The following SYNE2 variants were observed in gnomAD, a reference collection of about 807,000 sequenced individuals.
SYNE2 encodes spectrin repeat containing nuclear envelope protein 2.
Under a neutral mutation model 856.3 loss-of-function variants are expected in SYNE2, and 431 were observed. The observed-to-expected ratio is 0.50, with a 90% CI of 0.47 to 0.55. The LOEUF (loss-of-function observed/expected upper bound fraction) is 0.55. SYNE2 is among the 20% of genes least tolerant of loss of function. The pLI is 0.00. For missense variants in SYNE2, 8,129 were observed against 8,023.2 expected (o/e 1.01, Z -0.50); for synonymous variants, 2,923 against 2,872.3 (o/e 1.02, Z -0.56).
intron 1 of SYNE2, among the ~76,000 whole-genome samples, chr14:63,884,127 C>T (rs550655828): frequency 5.4e-4 from 82 of 152,238 alleles, no homozygotes; most frequent in Non-Finnish European, 9.1e-4. Flanking sequence ...CTTTTCCCTC[C>T]TGGAGTATCG....
At chr14:64,190,262 A>G in intron 99 of SYNE2, 25 bp downstream of exon 99, 2 of 1,613,676 alleles carry the variant, frequency 1.2e-6, no homozygotes, top group Non-Finnish European at 1.7e-6. Flanking sequence ...AAAAATGATT[A>G]CTCTCCAGGA....
At chr14:63,817,277 A>G (rs985871627) in intron 1 of SYNE2, among the ~76,000 whole-genome samples, 3 of 151,918 alleles carry the variant, frequency 2.0e-5, no homozygotes, top group African/African-American at 7.3e-5. Context: ...CCTGGGCAAC[A>G]TGGAAAAATC....
chr14:64,097,247 A>G (rs1183008462), intron 61 of SYNE2, among the ~76,000 whole-genome samples: 2 of 152,304 alleles, frequency 1.3e-5, no homozygotes, highest in Middle Eastern at 3.4e-3. Context: ...GATATACTAC[A>G]TGGTACCTTT....
At position 63,981,190 on chromosome 14, in the gene SYNE2, A is replaced by T; in HGVS notation, c.1836+17A>T. The stretch of plus-strand genomic sequence containing the variant: ...ATTAAAGAGGTATTTGCAGTCTAAT[A>T]GCATCTGCTCAATTTTATTTTTTAA... On this transcript the variant is annotated intron_variant, in intron 16 of 115. Transcript: ENST00000555002. The T allele has an allele frequency of 6.3e-7, 1 of 1,587,866 alleles. No homozygotes were observed. The highest frequency in any genetic ancestry group is 8.6e-7 in the Non-Finnish European group (1 of 1,156,392).
chr14:64,169,536 TG>T (rs2098400154), intron 93 of SYNE2, among the ~76,000 whole-genome samples: 1 of 152,166 alleles, frequency 6.6e-6, no homozygotes, highest in Non-Finnish European at 1.5e-5. Context: ...AGCCTGGAAA[TG>T]GCCTGGCCAT....
Position 64,020,100 on chromosome 14 carries a change from A to T in SYNE2, c.5151+7A>T. On this transcript the variant is annotated splice_region_variant and intron_variant, in intron 35 of 115. Transcript: ENST00000555002. ...AATACCTCTTGAATTGCAGGTAAGAATTTTTATTTAAAAGTTTCAGTTATT... is the reference window on the plus strand; with the variant it reads ...AATACCTCTTGAATTGCAGGTAAGATTTTTTATTTAAAAGTTTCAGTTATT... 1 of 1,592,436 alleles carries T rather than the reference A, an allele frequency of 6.3e-7. No homozygotes were observed. The highest frequency in any genetic ancestry group is 1.3e-5 in the African/African-American group (1 of 74,498).
chr14:64,145,378 C>T (rs895635198), intron 83 of SYNE2, among the ~76,000 whole-genome samples: 6 of 151,776 alleles, frequency 4.0e-5, no homozygotes, highest in African/African-American at 4.8e-5. Context: ...CATGGCGGCA[C>T]GTGCCTGTAA....
chr14:64,122,642 A>T (rs2097906580), intron 70 of SYNE2: 1 of 640,846 alleles, frequency 1.6e-6, no homozygotes. Flanking sequence ...GCTGTTATTT[A>T]TAACAACTAT....
intron 2 of SYNE2, among the ~76,000 whole-genome samples, chr14:63,936,086 G>T (rs1254459517): frequency 6.6e-6 from 1 of 152,096 alleles, no homozygotes; most frequent in Admixed American, 6.5e-5. Context: ...TGTTGGCCAC[G>T]CTGGTCTCGA....
intron 57 of SYNE2, among the ~76,000 whole-genome samples, chr14:64,083,390 T>C (rs1345851890): frequency 6.7e-6 from 1 of 149,960 alleles, no homozygotes; most frequent in Non-Finnish European, 1.5e-5. Flanking sequence ...TTCCTTCAAA[T>C]GCTTATTATG....
At chr14:63,788,884 A>C (rs1231396072) in intron 1 of SYNE2, among the ~76,000 whole-genome samples, 2 of 152,244 alleles carry the variant, frequency 1.3e-5, no homozygotes, top group Admixed American at 6.5e-5. Flanking sequence ...AAAGGAAATA[A>C]GTGTATCAAA....
At position 64,052,732 on chromosome 14, in the gene SYNE2, A is replaced by T. The variant is rs760713779; in HGVS notation, c.8819A>T (p.His2940Leu). 6.2e-7 allele frequency: 1 copy of T among 1,613,656 alleles called. No individual in the cohort carries two copies. The highest frequency in any genetic ancestry group is 1.1e-5 in the South Asian group (1 of 90,972). ...CAGAATACATGTAATGAAGTGGAAC[A>T]CAAGATAAAGTTTTGCAGACAATTC... Reference protein sequence around the residue: ...FIQNTCNEVEHKIKFCRQFHE... With the variant: ...FIQNTCNEVELKIKFCRQFHE... The change falls in exon 48 of 116, where the codon CAC (histidine) becomes CTC (leucine). Residue 2940 changes from histidine to leucine, a missense_variant. Coordinates refer to ENST00000555002, the MANE Select transcript of SYNE2 (RefSeq NM_182914.3).
At chr14:63,960,631 C>A in intron 8 of SYNE2, 1 of 571,678 alleles carries the variant, frequency 1.7e-6, no homozygotes, top group Non-Finnish European at 3.2e-6. Context: ...CAATAATCTT[C>A]ATTGCTTGTT....
intron 8 of SYNE2, among the ~76,000 whole-genome samples, chr14:63,959,015 C>T (rs1173441505): frequency 1.3e-5 from 2 of 152,092 alleles, no homozygotes; most frequent in African/African-American, 4.8e-5. Context: ...ACTTTCTGGC[C>T]TGACAAGACG....
chr14:64,224,456 T>A lies in SYNE2; in HGVS notation c.20383-5T>A. ...TGTGCTCAACCTTTGGGGTCTGAAT[T>A]TCAGAACCCAGCCTCACCCCTGCCC... On this transcript the variant is annotated splice_region_variant and splice_polypyrimidine_tract_variant and intron_variant, in intron 113 of 115. Transcript: ENST00000555002. 6.2e-7 allele frequency: 1 copy of A among 1,613,844 alleles called. No homozygotes were observed. The highest frequency in any genetic ancestry group is 8.5e-7 in the Non-Finnish European group (1 of 1,179,968).
intron 45 of SYNE2, among the ~76,000 whole-genome samples, chr14:64,044,329 G>A (rs2097170302): frequency 6.6e-6 from 1 of 152,098 alleles, no homozygotes; most frequent in Admixed American, 6.6e-5. Flanking sequence ...ATCCCATTTG[G>A]AACAGCTGAA....
chr14:63,815,926 G>T (rs1436127947), intron 1 of SYNE2, among the ~76,000 whole-genome samples: 3 of 149,908 alleles, frequency 2.0e-5, no homozygotes, highest in African/African-American at 7.3e-5. Context: ...TGTTTCCATA[G>T]AAATGTTCTT....
intron 109 of SYNE2, 120 bp from the exon 110 acceptor site, chr14:64,219,087 TC>T: frequency 1.1e-6 from 1 of 888,738 alleles, no homozygotes; most frequent in South Asian, 1.6e-5. Flanking sequence ...GTCAGGGGAA[TC>T]CCCTACAGTT....
chr14:63,987,302 C>G (rs1433010992), intron 19 of SYNE2, among the ~76,000 whole-genome samples: 2 of 151,906 alleles, frequency 1.3e-5, no homozygotes, highest in Non-Finnish European at 2.9e-5. Context: ...GAAAGTTCAC[C>G]CTCTGATGAA....
Sources: allele counts gnomAD v4.1 joint callset (sites outside exome capture counted in the v4.1 genomes callset), GRCh38; gene constraint gnomAD v4.1.1; transcripts MANE v1.5; gene names NCBI Gene and HGNC (gene_info 2026-07-23, HGNC 2026-07-21).